Variants in DNAH9 observed in about 807,000 individuals in gnomAD.
DNAH9 encodes dynein axonemal heavy chain 9.
A neutral mutation model predicts 471.6 loss-of-function variants in DNAH9; 345 were observed. That is an observed-to-expected ratio of 0.73 (90% confidence interval 0.67 to 0.80). The LOEUF is 0.80. Ranked by LOEUF, DNAH9 falls within the 30% of genes least tolerant of loss-of-function variation. The pLI, the probability that DNAH9 is intolerant of heterozygous loss-of-function variation, is 0.00. For missense variants in DNAH9, 5,407 were observed against 5,609.2 expected, an observed-to-expected ratio of 0.96 and a Z score of 1.15; for synonymous variants, 2,093 against 2,123.6, an observed-to-expected ratio of 0.99 and a Z score of 0.40.
chr17:11,874,257 A>AAAAAG (rs1324914586), intron 52 of DNAH9, among the ~76,000 whole-genome samples: 1 of 151,738 alleles, frequency 6.6e-6, no homozygotes, highest in Non-Finnish European at 1.5e-5. Context: ...AAAAAAAAAA[A>AAAAAG]AAGAACTGAG....
intron 49 of DNAH9, among the ~76,000 whole-genome samples, chr17:11,836,261 TCATACCTCA>T (rs1970847910): frequency 6.6e-6 from 1 of 152,228 alleles, no homozygotes; most frequent in South Asian, 2.1e-4. Flanking sequence ...CATTGTCACC[TCATACCTCA>T]CATTGGAATG....
In DNAH9 at chr17:11,669,760, T is replaced by C; in HGVS notation, c.3319T>C (p.Phe1107Leu). 6.2e-7 allele frequency: 1 copy of C among 1,614,174 alleles called. No homozygotes were observed. The highest frequency in any genetic ancestry group is 8.5e-7 in the Non-Finnish European group (1 of 1,180,010). ...LNIIKRWSLL[F>L]KQHLVDHVTH... The stretch of plus-strand genomic sequence containing the variant: ...TATTATTAAGAGGTGGAGCCTCCTG[T>C]TCAAACAGCATCTTGTGGACCACGT... The change falls in exon 17 of 69, where the codon TTC becomes CTC. Residue 1107 changes from phenylalanine (F) to leucine (L), a missense_variant. Transcript: ENST00000262442.
chr17:11,667,192 A>G (rs139151439), intron 15 of DNAH9, among the ~76,000 whole-genome samples: 271 of 152,352 alleles, frequency 1.8e-3, no homozygotes, highest in Admixed American at 4.2e-3. Context: ...AACTTTGTCT[A>G]TTAATTTATA....
chr17:11,797,621 A>C lies in DNAH9; in HGVS notation c.8248A>C (p.Thr2750Pro). ...FDDIEDPVEQ[T>P]QSPNLYCHFA... ...GGATATTGAAGACCCTGTGGAGCAG[A>C]CCCAAAGCCCGAACCTGTATTGTCA... Residue 2750 changes from threonine (T) to proline (P), a missense_variant, in exon 43 of 69, where the codon ACC becomes CCC. By Grantham distance (38) the Thr-to-Pro change is conservative. Transcript: ENST00000262442. 1.2e-6 allele frequency: 2 copies of C among 1,613,654 alleles called. No individual in the cohort carries two copies. The highest frequency in any genetic ancestry group is 1.1e-5 in the South Asian group (1 of 91,006).
Position 11,598,837 on chromosome 17 carries a change from C to A in DNAH9, c.339C>A (p.Pro113=). 6.6e-7 allele frequency: 1 copy of A among 1,517,864 alleles called. No individual in the cohort carries two copies. The highest frequency in any genetic ancestry group is 1.2e-5 in the South Asian group (1 of 83,422). The allele number at this position is 1,517,864 out of a possible 1,614,324, so 94.0% of individuals were successfully genotyped here. Residue 113 remains proline, a synonymous_variant, in exon 1 of 69, where the codon CCC becomes CCA. Coordinates refer to ENST00000262442, the MANE Select transcript of DNAH9 (RefSeq NM_001372.4). ...GCACCGGGCCCGAGCCTCCAGGGCCCGACAGCTTCCGCGGCGCAGTGGTCT... is the reference window on the plus strand; with the variant it reads ...GCACCGGGCCCGAGCCTCCAGGGCCAGACAGCTTCCGCGGCGCAGTGGTCT... The part of the protein sequence containing the change: ...FLRTGPEPPG[P]DSFRGAVVCG...
intron 56 of DNAH9, chr17:11,884,559 A>G: frequency 2.2e-6 from 1 of 456,200 alleles, no homozygotes; most frequent in Non-Finnish European, 4.4e-6. Flanking sequence ...TCCAAATATG[A>G]AAGACTTCGT....
At chr17:11,949,558 C>T (rs751659559) in intron 67 of DNAH9, among the ~76,000 whole-genome samples, 3 of 152,010 alleles carry the variant, frequency 2.0e-5, no homozygotes, top group East Asian at 1.9e-4. Context: ...CTCAGCTCAC[C>T]GCAACCTCTA....
intron 56 of DNAH9, chr17:11,884,699 C>G: frequency 2.6e-6 from 1 of 384,954 alleles, no homozygotes; most frequent in African/African-American, 2.1e-5. Context: ...AAGAGTCAGC[C>G]GAACATTGGG....
chr17:11,613,403 C>T (rs1316998722), intron 4 of DNAH9, among the ~76,000 whole-genome samples: 5 of 152,090 alleles, frequency 3.3e-5, no homozygotes, highest in East Asian at 1.9e-4. Context: ...GGACAGATCA[C>T]GAGGTCAGGA....
intron 1 of DNAH9, among the ~76,000 whole-genome samples, chr17:11,607,430 T>C (rs2072532044): frequency 6.6e-6 from 1 of 152,096 alleles, no homozygotes; most frequent in South Asian, 2.1e-4. Flanking sequence ...ATCAAGAAGG[T>C]GTAGTGGTCC....
chr17:11,763,530 T>A lies in DNAH9; in HGVS notation c.7086T>A (p.Pro2362=). 1 of 1,614,002 alleles carries A rather than the reference T, an allele frequency of 6.2e-7. No individual in the cohort carries two copies. Among genetic ancestry groups the A allele is most frequent in the Non-Finnish European group, 8.5e-7 (1 of 1,179,846 alleles). The part of the protein sequence containing the change: ...LECLLTTEDI[P]ADCPKEIYEH... ...GTCTCCTGACCACGGAGGACATCCC[T>A]GCAGACTGCCCTAAGGAAATTTATG... is the stretch of plus-strand genomic sequence containing the variant. The change falls in exon 36 of 69, where the codon CCT becomes CCA. Residue 2362 remains proline, a synonymous_variant. Coordinates refer to ENST00000262442, the MANE Select transcript of DNAH9 (RefSeq NM_001372.4).
rs763602808 is a variant in DNAH9, at chr17:11,636,722, A to C, written c.1724A>C (p.Asn575Thr). ...DKYLVLIQMF[N>T]KDLDAVRMIY... ...TACCTGGTCCTCATCCAAATGTTCA[A>C]CAAAGATCTGGATGCAGTGAGGATG... The change falls in exon 9 of 69, where the codon AAC becomes ACC. Residue 575 changes from asparagine (N) to threonine (T), a missense_variant. By Grantham distance (65) the Asn-to-Thr change is moderately conservative. This residue lies in a region of DNAH9 where 4,636 missense variants were observed against 4,900.3 expected (regional missense o/e 0.95). Coordinates refer to ENST00000262442, the MANE Select transcript of DNAH9 (RefSeq NM_001372.4). The C allele has an allele frequency of 6.2e-7, 1 of 1,613,746 alleles. No individual in the cohort carries two copies. Among genetic ancestry groups the C allele is most frequent in the Non-Finnish European group, 8.5e-7 (1 of 1,179,604 alleles).
At position 11,614,009 on chromosome 17, in the gene DNAH9, A is replaced by C. The variant is rs1490535969; in HGVS notation, c.904+2229A>C. Among the ~76,000 whole-genome samples the C allele has an allele frequency of 3.3e-5, 5 of 152,078 alleles. No individual in the cohort carries two copies. In the East Asian group the frequency reaches 9.6e-4, roughly 29 times the overall value. ...GCAGTAGAGTATATGCCGGCAATGA[A>C]TTTTTTTTAAAAAAGATACCATTAC... On this transcript the variant is annotated intron_variant, in intron 4 of 68. Transcript: ENST00000262442.
chr17:11,688,466 C>T (rs1206939063), intron 19 of DNAH9, among the ~76,000 whole-genome samples: 2 of 152,168 alleles, frequency 1.3e-5, no homozygotes, highest in Non-Finnish European at 2.9e-5. Context: ...AAAGTGACCA[C>T]GATTATCTAT....
At chr17:11,791,667 C>T (rs1969068394) in intron 41 of DNAH9, among the ~76,000 whole-genome samples, 1 of 152,084 alleles carries the variant, frequency 6.6e-6, no homozygotes, top group African/African-American at 2.4e-5. Context: ...GCCGAGATTG[C>T]ACCACTGCAC....
At chr17:11,837,886 A>C (rs376451671) in intron 49 of DNAH9, among the ~76,000 whole-genome samples, 2 of 152,178 alleles carry the variant, frequency 1.3e-5, no homozygotes, top group East Asian at 3.9e-4. Context: ...AGGACCTTTG[A>C]ACTAGTGCTT....
intron 57 of DNAH9, among the ~76,000 whole-genome samples, 167 bp downstream of exon 57, chr17:11,887,132 C>T (rs1352912671): frequency 6.6e-6 from 1 of 152,194 alleles, no homozygotes; most frequent in African/African-American, 2.4e-5. Context: ...TTACCATCCT[C>T]ATCTCTTTAA....
chr17:11,718,375 A>G (rs1325015236), intron 26 of DNAH9, among the ~76,000 whole-genome samples: 2 of 152,232 alleles, frequency 1.3e-5, no homozygotes, highest in Non-Finnish European at 2.9e-5. Flanking sequence ...TGTTATGAAT[A>G]CTGTTGCTAT....
At chr17:11,641,635 C>T (rs553950820) in intron 10 of DNAH9, among the ~76,000 whole-genome samples, 19 of 152,090 alleles carry the variant, frequency 1.2e-4, no homozygotes, top group African/African-American at 4.3e-4. Context: ...GGAAGTTTGG[C>T]GGGGAGTAGA....
Sources: gnomAD v4.1 joint callset for allele counts (sites outside exome capture counted in the v4.1 genomes callset) on GRCh38, gnomAD v4.1.1 for gene constraint, gnomAD v4.1.1 regional missense constraint, MANE v1.5 for transcripts, NCBI Gene and HGNC (gene_info 2026-07-23, HGNC 2026-07-21) for gene names.